Variants in CLSTN1 observed in about 807,000 individuals in gnomAD.
CLSTN1 encodes the protein calsyntenin 1, also known as calsyntenin-1.
In CLSTN1, 28 loss-of-function variants were observed where a neutral mutation model predicts 108.3. The ratio of observed to expected loss-of-function variants is 0.26; its 90% CI spans 0.19 to 0.35. The LOEUF (loss-of-function observed/expected upper bound fraction) is 0.35, where lower values mean the gene tolerates loss of function less well. Ranked by LOEUF, CLSTN1 falls within the 10% of genes least tolerant of loss-of-function variation. The pLI, the probability that CLSTN1 is intolerant of heterozygous loss-of-function variation, is 1.00. For synonymous variants in CLSTN1, 524 were observed against 534.9 expected (o/e 0.98, Z 0.28); for missense variants, 1,157 against 1,302.6 (o/e 0.89, Z 1.72).
intron 1 of CLSTN1, among the ~76,000 whole-genome samples, chr1:9,820,689 G>A (rs368525815): frequency 1.4e-4 from 21 of 152,212 alleles, no homozygotes; most frequent in East Asian, 1.3e-3. Flanking sequence ...ACACAATACT[G>A]GCATGCCTCT....
At position 9,742,908 on chromosome 1, in the gene CLSTN1, G is replaced by A. The variant is rs1011044041; in HGVS notation, c.1356+976C>T. Among the ~76,000 whole-genome samples, 9 of 151,518 alleles carry A rather than the reference G, an allele frequency of 5.9e-5. No homozygotes were observed. In the Middle Eastern group the frequency reaches 0.017, roughly 286 times the overall value. ...GCAACAAAGCGAGACTCAGTCTCGG[G>A]GGAAAAAAAAAAGAGACAAATGCTA... is the stretch of plus-strand genomic sequence containing the variant. On this transcript the variant is annotated intron_variant, in intron 9 of 18. Coordinates refer to ENST00000377298, the MANE Select transcript of CLSTN1 (RefSeq NM_001009566.3).
rs1383016336 is a variant in CLSTN1 at position 9,734,775 on chromosome 1, A to G, written c.2110+173T>C. On this transcript the variant is annotated intron_variant, in intron 14 of 18. Transcript: ENST00000377298. The surrounding 1 kb of genome is among the most constrained non-coding windows in gnomAD (Gnocchi z 4.8). ...GACCCCTCCAGATGGGATTCCAGAG[A>G]TCACCATGAGCTCCAGCTCACGGGT... Among the ~76,000 whole-genome samples, 6 of 152,252 alleles carry G rather than the reference A, an allele frequency of 3.9e-5. No homozygotes were observed. In the East Asian group the frequency reaches 1.2e-3, roughly 30 times the overall value.
chr1:9,740,564 G>A lies in CLSTN1; in HGVS notation c.1519+530C>T, dbSNP rs148549231. 1.6e-3 allele frequency among the ~76,000 whole-genome samples: 245 copies of A among 152,246 alleles called. 2 individuals carry two copies. Among genetic ancestry groups the A allele is most frequent in the African/African-American group, 5.6e-3 (232 of 41,564 alleles). ...AGGTAAGAAGCACTGGTGCTCTGGTGGTTATCATATCCCCTCTCAGCAGAG... is the reference window on the plus strand; with the variant it reads ...AGGTAAGAAGCACTGGTGCTCTGGTAGTTATCATATCCCCTCTCAGCAGAG... On this transcript the variant is annotated intron_variant, in intron 10 of 18. Transcript: ENST00000377298.
chr1:9,774,730 C>CG (rs924183308), intron 1 of CLSTN1, among the ~76,000 whole-genome samples: 1 of 151,414 alleles, frequency 6.6e-6, no homozygotes, highest in Non-Finnish European at 1.5e-5. Context: ...AGTAAGAATT[C>CG]GGGGCAAGTC....
At chr1:9,768,450 C>T (rs1234336427) in intron 2 of CLSTN1, among the ~76,000 whole-genome samples, 1 of 42,492 alleles carries the variant, frequency 2.4e-5, no homozygotes, top group South Asian at 8.2e-4. Flanking sequence ...ACCAGGGGGG[C>T]GGGGTTCTGT....
intron 4 of CLSTN1, among the ~76,000 whole-genome samples, chr1:9,752,441 C>T (rs1045426816): frequency 1.3e-5 from 2 of 152,208 alleles, no homozygotes; most frequent in East Asian, 1.9e-4. Context: ...AGAGAAGAGA[C>T]TCACTGGGGC....
Position 9,823,585 on chromosome 1 carries a change from T to C in CLSTN1, c.91+58A>G, listed in dbSNP as rs1277821593. The C allele has an allele frequency of 1.0e-5, 11 of 1,103,356 alleles. No individual in the cohort carries two copies. Among genetic ancestry groups the C allele is most frequent in the East Asian group, 7.7e-5 (2 of 26,048 alleles). The allele number at this position is 1,103,356 out of a possible 1,614,324, so 68.3% of individuals were successfully genotyped here. A position where few individuals can be genotyped will look rare whatever the true frequency, so the allele number is the denominator to read the frequency against. On this transcript the variant is annotated intron_variant, in intron 1 of 18. Transcript: ENST00000377298. The surrounding 1 kb of genome is among the most constrained non-coding windows in gnomAD (Gnocchi z 6.3). ...AATCCCCGCACCGGGACCCGAATCC[T>C]GCACCCGGACCCGAATCCCGCACCG...
At chr1:9,820,683 A>G (rs1381833036) in intron 1 of CLSTN1, among the ~76,000 whole-genome samples, 1 of 152,208 alleles carries the variant, frequency 6.6e-6, no homozygotes, top group African/African-American at 2.4e-5. Flanking sequence ...TCAATCACAC[A>G]ATACTGGCAT....
chr1:9,770,522 A>AC (rs538056216), intron 2 of CLSTN1, among the ~76,000 whole-genome samples: 1 of 151,842 alleles, frequency 6.6e-6, no homozygotes, highest in Non-Finnish European at 1.5e-5. Context: ...CTGCCTCTGC[A>AC]CCCCCCGACC....
chr1:9,740,830 G>A (rs1002652592), intron 10 of CLSTN1, among the ~76,000 whole-genome samples: 5 of 152,160 alleles, frequency 3.3e-5, no homozygotes, highest in African/African-American at 9.7e-5. Context: ...CGCTCCCTCT[G>A]TGGAACGCTC....
chr1:9,777,173 T>TC (rs1396324005), intron 1 of CLSTN1, among the ~76,000 whole-genome samples: 10 of 148,476 alleles, frequency 6.7e-5, no homozygotes, highest in East Asian at 2.0e-4. Flanking sequence ...TGAGCCAAGA[T>TC]TGTACCACTG....
chr1:9,790,115 A>T (rs1653693340), intron 1 of CLSTN1, among the ~76,000 whole-genome samples: 1 of 151,496 alleles, frequency 6.6e-6, no homozygotes, highest in African/African-American at 2.4e-5. Context: ...AATTTCACTC[A>T]AGACTTTTCT....
rs777944581 is a variant in CLSTN1 at position 9,755,348 on chromosome 1, C to CA, written c.245-40dup. 1.3e-4 allele frequency: 202 copies of CA among 1,531,664 alleles called. 3 individuals carry two copies. In the South Asian group the frequency reaches 2.2e-3, roughly 17 times the overall value. 94.9% of individuals were successfully genotyped at this position (1,531,664 alleles called of 1,614,324 possible). ...GCAGAACAGGTAAGAATTCCTACCA[C>CA]ATAGATCTTCTGCACCTTGCCCTCC... On this transcript the variant is annotated intron_variant, in intron 3 of 18. Coordinates refer to ENST00000377298, the MANE Select transcript of CLSTN1 (RefSeq NM_001009566.3).
In CLSTN1 at chr1:9,730,321, G is replaced by A. The variant is rs1291518359; in HGVS notation, c.*187C>T. 8 of 647,382 alleles carry A rather than the reference G, an allele frequency of 1.2e-5. No homozygotes were observed. The highest frequency in any genetic ancestry group is 3.6e-5 in the African/African-American group (2 of 55,618). The allele number at this position is 647,382 out of a possible 1,614,324, so 40.1% of individuals were successfully genotyped here. ...TCAGCTCCTCGTGGGACTGAAGAGC[G>A]CGACCAGGCAGAGGGTGGGCGGGGA... On this transcript the variant is annotated 3_prime_UTR_variant, in exon 19 of 19. Transcript: ENST00000377298. This position sits in a 1 kb window ranked among gnomAD's most constrained non-coding sequence, Gnocchi z 5.6.
intron 1 of CLSTN1, among the ~76,000 whole-genome samples, chr1:9,785,071 A>G (rs1653420068): frequency 1.4e-5 from 2 of 143,938 alleles, no homozygotes; most frequent in Admixed American, 1.4e-4. Context: ...GTGTGCCACC[A>G]CTCCCAGCTA....
Position 9,731,951 on chromosome 1 carries a change from A to G in CLSTN1, c.2428-55T>C, listed in dbSNP as rs570317290. On this transcript the variant is annotated intron_variant, in intron 16 of 18. Transcript: ENST00000377298. ...GACAGGCATCCTGAGCCTGTCCAAG[A>G]GGTGACAGTGGAGTCCCGCAGCTGG... 44 of 1,609,076 alleles carry G rather than the reference A, an allele frequency of 2.7e-5. No homozygotes were observed. The African/African-American group carries it at 5.6e-4, about 20-fold the overall frequency.
intron 5 of CLSTN1, among the ~76,000 whole-genome samples, chr1:9,750,715 C>CAAAAA (rs775430059): frequency 1.3e-5 from 1 of 77,174 alleles, no homozygotes; most frequent in African/African-American, 4.3e-5. Flanking sequence ...TTCCCTCAAA[C>CAAAAA]AAAAAAAAAA....
chr1:9,759,154 T>C (rs1335916618), intron 2 of CLSTN1, among the ~76,000 whole-genome samples: 12 of 152,210 alleles, frequency 7.9e-5, no homozygotes, highest in Admixed American at 7.9e-4. Flanking sequence ...GTCTGCAAAC[T>C]GCCGTTTCCA....
At chr1:9,801,554 T>G (rs1341102952) in intron 1 of CLSTN1, among the ~76,000 whole-genome samples, 2 of 152,186 alleles carry the variant, frequency 1.3e-5, no homozygotes, top group Non-Finnish European at 1.5e-5. Flanking sequence ...TCACCATTAT[T>G]GTTCGTTTGT....
Sources: allele counts gnomAD v4.1 joint callset (sites outside exome capture counted in the v4.1 genomes callset), GRCh38; gene constraint gnomAD v4.1.1; non-coding constraint Gnocchi (gnomAD v3.1); transcripts MANE v1.5; gene names NCBI Gene and HGNC (gene_info 2026-07-23, HGNC 2026-07-21).